Variants in SLC3A1 observed in about 807,000 individuals in gnomAD.
The protein encoded by SLC3A1 is amino acid transporter heavy chain SLC3A1.
Under a neutral mutation model 60.3 loss-of-function variants are expected in SLC3A1, and 78 were observed. The ratio of observed to expected loss-of-function variants is 1.29; its 90% confidence interval spans 1.08 to 1.56. SLC3A1 has a LOEUF of 1.56. Among genes scored for constraint, SLC3A1 ranks in the 40% most tolerant of loss-of-function variants. The pLI, the probability that SLC3A1 is intolerant of heterozygous loss-of-function variation, is 0.00. For missense variants in SLC3A1, 1,172 were observed against 858.9 expected (o/e 1.36, Z -4.56); for synonymous variants, 392 against 307.9 (o/e 1.27, Z -2.86).
At chr2:44,305,522 G>T (rs1672133164) in intron 7 of SLC3A1, among the ~76,000 whole-genome samples, 2 of 150,438 alleles carry the variant, frequency 1.3e-5, no homozygotes, top group Admixed American at 6.6e-5. Flanking sequence ...CCACCTCCTG[G>T]GTTCAAGCAA....
At chr2:44,303,014 C>G (rs1019990082) in intron 6 of SLC3A1, among the ~76,000 whole-genome samples, 1 of 151,944 alleles carries the variant, frequency 6.6e-6, no homozygotes, top group African/African-American at 2.4e-5. Flanking sequence ...GCCTGGCCAA[C>G]ATGGTGAAAC....
chr2:44,302,170 G>C (rs1488265991), intron 6 of SLC3A1, among the ~76,000 whole-genome samples: 1 of 152,146 alleles, frequency 6.6e-6, no homozygotes, highest in Non-Finnish European at 1.5e-5. Flanking sequence ...AAAGTATCAG[G>C]AACACAGCTT....
Position 44,321,182 on chromosome 2 carries a change from G to A in SLC3A1, c.*543G>A. ...TAATGGGCATGTGCATCAATGGAGA[G>A]AATAGTATAAGCAAGTGAGATGTAG... On this transcript the variant is annotated 3_prime_UTR_variant, in exon 10 of 10. Transcript: ENST00000260649. 1.6e-6 allele frequency: 1 copy of A among 609,622 alleles called. No homozygotes were observed. Among genetic ancestry groups the A allele is most frequent in the South Asian group, 2.1e-5 (1 of 46,512 alleles). 37.8% of individuals were successfully genotyped at this position (609,622 alleles called of 1,614,324 possible). A position where few individuals can be genotyped will look rare whatever the true frequency, so the allele number is the denominator to read the frequency against.
At chr2:44,301,192 A>G (rs764633791) in intron 6 of SLC3A1, 65 bp downstream of exon 6, 2 of 1,594,988 alleles carry the variant, frequency 1.3e-6, no homozygotes, top group East Asian at 4.5e-5. Context: ...TGTATCCCTC[A>G]CAACCAAGTG....
intron 1 of SLC3A1, among the ~76,000 whole-genome samples, chr2:44,277,529 G>C (rs1671376949): frequency 6.6e-6 from 1 of 152,080 alleles, no homozygotes; most frequent in Non-Finnish European, 1.5e-5. Context: ...TCCCTAATCA[G>C]ACCATGGGCT....
Position 44,301,054 on chromosome 2 carries a change from G to A in SLC3A1, c.1063G>A (p.Val355Met), listed in dbSNP as rs141061483. 45 of 1,614,174 alleles carry A rather than the reference G, an allele frequency of 2.8e-5. 1 individual carries two copies. The East Asian group carries it at 6.5e-4, about 23-fold the overall frequency. Residue 355 changes from valine to methionine, a missense_variant, in exon 6 of 10, where the codon GTG becomes ATG. Val to Met is a conservative substitution (Grantham distance 21). Coordinates refer to ENST00000260649, the MANE Select transcript of SLC3A1 (RefSeq NM_000341.4). ...ELYHDFTTTQ[V>M]GMHDIVRSFR... ...GTACCATGACTTCACCACCACGCAG[G>A]TGGGAATGCACGACATTGTCCGCAG... is the stretch of plus-strand genomic sequence containing the variant.
At chr2:44,276,962 A>G (rs1443696088) in intron 1 of SLC3A1, among the ~76,000 whole-genome samples, 4 of 152,212 alleles carry the variant, frequency 2.6e-5, no homozygotes, top group South Asian at 4.1e-4. Context: ...AAGAAAACAA[A>G]ACAGGATGAT....
chr2:44,294,140 G>T (rs944694135), intron 4 of SLC3A1, among the ~76,000 whole-genome samples: 3 of 152,136 alleles, frequency 2.0e-5, no homozygotes, highest in African/African-American at 7.2e-5. Context: ...CGGAGCTAAG[G>T]TATCTGAGTG....
chr2:44,304,359 A>G (rs1322519740), intron 7 of SLC3A1, 21 bp downstream of exon 7: 2 of 1,575,262 alleles, frequency 1.3e-6, no homozygotes, highest in Non-Finnish European at 1.7e-6. Flanking sequence ...ATGACAGCAG[A>G]GTACATAATG....
At chr2:44,309,204 C>CA (rs1672232820) in intron 7 of SLC3A1, among the ~76,000 whole-genome samples, 1 of 152,182 alleles carries the variant, frequency 6.6e-6, no homozygotes, top group African/African-American at 2.4e-5. Flanking sequence ...ACCCACTAAA[C>CA]AATAATTCCT....
At position 44,299,031 on chromosome 2, in the gene SLC3A1, CTTTT is replaced by C. The variant is rs3074475; in HGVS notation, c.892-921_892-918del. Among the ~76,000 whole-genome samples the C allele has an allele frequency of 8.8e-5, 11 of 124,370 alleles. No homozygotes were observed. In the South Asian group the frequency reaches 1.0e-3, roughly 12 times the overall value. 81.6% of individuals were successfully genotyped at this position (124,370 alleles called of 152,430 possible). On this transcript the variant is annotated intron_variant, in intron 4 of 9. Transcript: ENST00000260649. ...AAAGCCAGTGGAATAATGTAGATTC[CTTTT>C]TTTTTTTTTTTTTTTTTTAAAAGAC...
intron 1 of SLC3A1, among the ~76,000 whole-genome samples, chr2:44,280,460 A>C (rs1364937799): frequency 6.6e-6 from 1 of 152,078 alleles, no homozygotes; most frequent in African/African-American, 2.4e-5. Flanking sequence ...GATGGTCTCG[A>C]GCTCTTGACC....
chr2:44,305,907 C>T (rs567602080), intron 7 of SLC3A1, among the ~76,000 whole-genome samples: 53 of 152,234 alleles, frequency 3.5e-4, no homozygotes, highest in African/African-American at 1.2e-3. Context: ...GTCAGGTCTA[C>T]CTATTGTATA....
chr2:44,294,415 G>A (rs1277005224), intron 4 of SLC3A1, among the ~76,000 whole-genome samples: 1 of 150,484 alleles, frequency 6.6e-6, no homozygotes, highest in Non-Finnish European at 1.5e-5. Flanking sequence ...TGAGGCAGGA[G>A]AATTGCTTGA....
Position 44,312,602 on chromosome 2 carries a change from G to C in SLC3A1, c.1349G>C (p.Ser450Thr), listed in dbSNP as rs763061002. The C allele has an allele frequency of 1.1e-5, 17 of 1,613,816 alleles. No homozygotes were observed. Among genetic ancestry groups the C allele is most frequent in the Non-Finnish European group, 1.4e-5 (17 of 1,179,838 alleles). The change falls in exon 8 of 10, where the codon AGT (serine) becomes ACT (threonine). Residue 450 changes from serine (S) to threonine (T), a missense_variant. Transcript: ENST00000260649. ...WPNWMIGGPD[S>T]SRLTSRLGNQ... ...GCCTTTCAGATTGGTGGACCAGACAGTTCACGGCTGACTTCGCGTTTGGGG... is the reference window on the plus strand; with the variant it reads ...GCCTTTCAGATTGGTGGACCAGACACTTCACGGCTGACTTCGCGTTTGGGG...
At position 44,313,956 on chromosome 2, in the gene SLC3A1, G is replaced by A; in HGVS notation, c.1617+5G>A. 3.1e-6 allele frequency: 5 copies of A among 1,614,070 alleles called. No homozygotes were observed. The highest frequency in any genetic ancestry group is 1.1e-5 in the South Asian group (1 of 91,074). ...TACCACACTGTGAATGTTGATGTAA[G>A]TATCAGTGAAAATTTTATGTTGATT... On this transcript the variant is annotated splice_donor_5th_base_variant and intron_variant, in intron 9 of 9. Transcript: ENST00000260649.
intron 5 of SLC3A1, among the ~76,000 whole-genome samples, chr2:44,300,375 G>GGCCACA (rs1250161498): frequency 3.3e-5 from 5 of 152,304 alleles, no homozygotes; most frequent in Admixed American, 2.0e-4. Context: ...CCACAAAATA[G>GGCCACA]AGGACATTTA....
At chr2:44,285,871 G>T (rs1442580514) in intron 3 of SLC3A1, 161 bp from the exon 4 acceptor site, 1 of 856,318 alleles carries the variant, frequency 1.2e-6, no homozygotes, top group Non-Finnish European at 2.0e-6. Flanking sequence ...CAATGGGGTG[G>T]GGGGTATTTG....
At chr2:44,309,754 A>ATGAC (rs200728214) in intron 7 of SLC3A1, among the ~76,000 whole-genome samples, 1,599 of 152,300 alleles carry the variant, frequency 0.01, 12 homozygotes, top group Non-Finnish European at 0.016. Context: ...ATGTGCCAAC[A>ATGAC]TGACTGGCTA....
Sources: gnomAD v4.1 joint callset for allele counts (sites outside exome capture counted in the v4.1 genomes callset) on GRCh38, gnomAD v4.1.1 for gene constraint, MANE v1.5 for transcripts, NCBI Gene and HGNC (gene_info 2026-07-23, HGNC 2026-07-21) for gene names.